The following NREP variants were observed in gnomAD, a reference collection of about 807,000 sequenced individuals.
The protein encoded by NREP is neuronal regeneration related protein.
Under a neutral mutation model 8.6 loss-of-function variants are expected in NREP, and 5 were observed. That is an observed-to-expected ratio of 0.58 (90% CI 0.30 to 1.22). NREP has a LOEUF of 1.22. Among genes scored for constraint, NREP ranks in the 50% most tolerant of loss-of-function variants. The pLI, the probability that NREP is intolerant of heterozygous loss-of-function variation, is 0.07. For missense variants in NREP, 86 were observed against 82.5 expected (o/e 1.04, Z -0.17); for synonymous variants, 27 against 28.0 (o/e 0.96, Z 0.11).
intron 2 of NREP, among the ~76,000 whole-genome samples, chr5:111,823,034 G>A (rs542156326): frequency 1.3e-5 from 2 of 152,236 alleles, no homozygotes; most frequent in Non-Finnish European, 2.9e-5. Flanking sequence ...AAAAGTTTGA[G>A]ATTGGGCATC....
intron 2 of NREP, among the ~76,000 whole-genome samples, chr5:111,878,918 C>A (rs551343179): frequency 1.3e-5 from 2 of 152,176 alleles, no homozygotes; most frequent in South Asian, 2.1e-4. Context: ...CTCCTTCAAC[C>A]CCCACTATGT....
At chr5:111,829,528 T>G (rs776445729) in intron 2 of NREP, among the ~76,000 whole-genome samples, 7 of 152,212 alleles carry the variant, frequency 4.6e-5, no homozygotes, top group Non-Finnish European at 1.0e-4. Flanking sequence ...CTAGTTCCCT[T>G]TAGGTTTTTG....
intron 2 of NREP, among the ~76,000 whole-genome samples, chr5:111,963,075 G>A (rs186759346): frequency 3.3e-5 from 5 of 152,378 alleles, no homozygotes; most frequent in African/African-American, 7.2e-5. Flanking sequence ...CCTGCGCAAC[G>A]AGGCAAGGGG....
chr5:111,920,476 C>T (rs1241728611), intron 2 of NREP, among the ~76,000 whole-genome samples: 5 of 151,810 alleles, frequency 3.3e-5, no homozygotes, highest in East Asian at 1.9e-4. Context: ...AGGTGTCAGC[C>T]GAAGTTCTTA....
At chr5:111,884,264 A>T (rs1252912624) in intron 2 of NREP, among the ~76,000 whole-genome samples, 1 of 151,616 alleles carries the variant, frequency 6.6e-6, no homozygotes, top group East Asian at 1.9e-4. Flanking sequence ...CTCTCCCAAG[A>T]CTAAACCAGG....
intron 2 of NREP, among the ~76,000 whole-genome samples, chr5:111,933,857 A>C (rs926851948): frequency 2.6e-5 from 4 of 152,128 alleles, no homozygotes; most frequent in Non-Finnish European, 5.9e-5. Flanking sequence ...GAGGACTTAG[A>C]TAGTCGCAGA....
intron 3 of NREP, chr5:111,731,946 A>G (rs899971223): frequency 1.3e-5 from 2 of 152,336 alleles, no homozygotes; most frequent in Non-Finnish European, 2.9e-5. Context: ...GTATTCATTT[A>G]CAACAGATAG....
chr5:111,912,782 C>T (rs1029655873), intron 2 of NREP: 2 of 152,114 alleles, frequency 1.3e-5, no homozygotes, highest in African/African-American at 4.8e-5. Flanking sequence ...GTCCAGCCTT[C>T]TGCACTTAAT....
chr5:111,907,065 CAGCCTCTCTGTAT>C (rs1643876883), intron 2 of NREP, among the ~76,000 whole-genome samples: 1 of 152,078 alleles, frequency 6.6e-6, no homozygotes, highest in Non-Finnish European at 1.5e-5. Context: ...CCATCACACC[CAGCCTCTCTGTAT>C]ACTTTGGATT....
chr5:111,892,071 T>C (rs1754407987), intron 2 of NREP, among the ~76,000 whole-genome samples: 1 of 152,012 alleles, frequency 6.6e-6, no homozygotes, highest in African/African-American at 2.4e-5. Context: ...TAAGTAAATA[T>C]TTAGTGAGAA....
intron 2 of NREP, among the ~76,000 whole-genome samples, chr5:111,837,596 A>G (rs1411194585): frequency 6.6e-6 from 1 of 152,100 alleles, no homozygotes; most frequent in East Asian, 1.9e-4. Context: ...GTAAGTATTC[A>G]TAGCAACCAA....
In NREP at chr5:111,961,207, C is replaced by T. The variant is rs115343898; in HGVS notation, c.135+14067G>A. Among the ~76,000 whole-genome samples the T allele has an allele frequency of 5.3e-3, 813 of 152,342 alleles. 8 individuals are homozygous for T. Among genetic ancestry groups the T allele is most frequent in the African/African-American group, 0.018 (760 of 41,576 alleles). ...GGCTGTCAGTCCACTGATCCATGAG[C>T]TGCAGCACTTTGCTTCTCATGGATT... On this transcript the variant is annotated intron_variant, in intron 2 of 3. Coordinates refer to the NREP transcript ENST00000395634.
At chr5:111,898,737 G>A (rs1456704334) in intron 2 of NREP, among the ~76,000 whole-genome samples, 1 of 152,134 alleles carries the variant, frequency 6.6e-6, no homozygotes, top group Non-Finnish European at 1.5e-5. Context: ...GATATATGCA[G>A]CTCAAGAATT....
chr5:111,739,389 T>C, intron 2 of NREP: 1 of 152,240 alleles, frequency 6.6e-6, no homozygotes, highest in Non-Finnish European at 1.5e-5. Context: ...CTGCAGCTCC[T>C]AGGGGCCACA....
chr5:111,902,598 AT>A (rs1343127346), intron 2 of NREP, among the ~76,000 whole-genome samples: 23 of 152,182 alleles, frequency 1.5e-4, no homozygotes, highest in African/African-American at 5.5e-4. Context: ...ATGACAACAG[AT>A]TTGGGGAATG....
chr5:111,806,851 G>T (rs536852777), intron 2 of NREP, among the ~76,000 whole-genome samples: 1 of 152,098 alleles, frequency 6.6e-6, no homozygotes, highest in Non-Finnish European at 1.5e-5. Context: ...AGAGGGGTAG[G>T]TGAGTGTACT....
chr5:111,754,485 A>G (rs1286464183), intron 2 of NREP, among the ~76,000 whole-genome samples: 1 of 152,250 alleles, frequency 6.6e-6, no homozygotes, highest in Non-Finnish European at 1.5e-5. Context: ...TGATGTGGCC[A>G]GTCACAGTAA....
chr5:111,729,424 T>C lies in NREP; in HGVS notation c.*1497A>G, dbSNP rs1484245418. 3.3e-5 allele frequency: 5 copies of C among 152,470 alleles called. No homozygotes were observed. The highest frequency in any genetic ancestry group is 2.9e-5 in the Non-Finnish European group (2 of 68,050). 9.4% of individuals were successfully genotyped at this position (152,470 alleles called of 1,614,324 possible). A position where few individuals can be genotyped will look rare whatever the true frequency, so the allele number is the denominator to read the frequency against. On this transcript the variant is annotated 3_prime_UTR_variant, in exon 4 of 4. Coordinates refer to ENST00000257435, the MANE Select transcript of NREP (RefSeq NM_004772.4). The stretch of plus-strand genomic sequence containing the variant: ...TTACAAAAGCCTGCATTTTCAGCAG[T>C]ACACAACTGCAACTCTACATAAATG...
chr5:111,907,594 A>C (rs1317202686), intron 2 of NREP, among the ~76,000 whole-genome samples: 1 of 152,094 alleles, frequency 6.6e-6, no homozygotes, highest in East Asian at 1.9e-4. Flanking sequence ...TTTATTGTAT[A>C]TCTTCAATAA....
Sources: allele counts gnomAD v4.1 joint callset (sites outside exome capture counted in the v4.1 genomes callset), GRCh38; gene constraint gnomAD v4.1.1; transcripts MANE v1.5; gene names NCBI Gene and HGNC (gene_info 2026-07-23, HGNC 2026-07-21).